The following IQCH variants were observed in gnomAD, a reference collection of about 807,000 sequenced individuals.
The protein encoded by IQCH is IQ motif containing H, also known as IQ domain-containing protein H.
A neutral mutation model predicts 117.0 loss-of-function variants in IQCH; 98 were observed. That is an observed-to-expected ratio of 0.84 (90% CI 0.71 to 0.99). The LOEUF is 0.99. Among genes scored for constraint, IQCH ranks in the 50% least tolerant of loss-of-function variants. IQCH has a pLI of 0.00. For missense variants in IQCH, 1,102 were observed against 1,243.8 expected (o/e 0.89, Z 1.72); for synonymous variants, 412 against 448.2 (o/e 0.92, Z 1.02).
chr15:67,442,853 T>C (rs917516858), intron 16 of IQCH, among the ~76,000 whole-genome samples: 63 of 144,092 alleles, frequency 4.4e-4, no homozygotes, highest in Middle Eastern at 3.6e-3. Context: ...GATAGATAGA[T>C]AGATAGATAG....
At chr15:67,259,735 G>C (rs1221263806) in intron 1 of IQCH, among the ~76,000 whole-genome samples, 26 of 152,264 alleles carry the variant, frequency 1.7e-4, no homozygotes, top group Non-Finnish European at 1.5e-5. Flanking sequence ...AGAGGGCCTT[G>C]CCCTTGAACT....
At chr15:67,316,382 A>G (rs1405003381) in intron 4 of IQCH, among the ~76,000 whole-genome samples, 2 of 152,128 alleles carry the variant, frequency 1.3e-5, no homozygotes, top group Non-Finnish European at 2.9e-5. Context: ...GGATTTTCAA[A>G]CTGTAACCAT....
intron 4 of IQCH, among the ~76,000 whole-genome samples, chr15:67,331,753 A>C (rs1968675325): frequency 6.6e-6 from 1 of 152,204 alleles, no homozygotes; most frequent in Non-Finnish European, 1.5e-5. Context: ...GATCTCCATC[A>C]GCTCCTCATT....
intron 13 of IQCH, among the ~76,000 whole-genome samples, chr15:67,398,647 G>T (rs1596309189): frequency 6.6e-6 from 1 of 152,042 alleles, no homozygotes; most frequent in Non-Finnish European, 1.5e-5. Flanking sequence ...AACAGATCAG[G>T]CCTTTAATCA....
intron 10 of IQCH, among the ~76,000 whole-genome samples, chr15:67,379,889 G>A (rs1567141441): frequency 6.6e-6 from 1 of 151,726 alleles, no homozygotes; most frequent in East Asian, 1.9e-4. Context: ...TTTCACTCTT[G>A]TTGCCCAGGC....
rs774557475 is a variant in IQCH at position 67,445,170 on chromosome 15, G to A, written c.2506-19957G>A. On this transcript the variant is annotated intron_variant, in intron 16 of 20. Transcript: ENST00000335894. This position sits in a 1 kb window ranked among gnomAD's most constrained non-coding sequence, Gnocchi z 4.3. ...ACACGTCGTTGAACATCTGTTACTA[G>A]TACAGTCTAACACAGCACTTAAAAT... Among the ~76,000 whole-genome samples, 1 of 152,072 alleles carries A rather than the reference G, an allele frequency of 6.6e-6. No individual in the cohort carries two copies. The highest frequency in any genetic ancestry group is 1.5e-5 in the Non-Finnish European group (1 of 68,028).
intron 8 of IQCH, among the ~76,000 whole-genome samples, chr15:67,367,797 G>A (rs969126699): frequency 6.6e-6 from 1 of 152,076 alleles, no homozygotes; most frequent in Non-Finnish European, 1.5e-5. Context: ...AAATGGAAGA[G>A]TAGCAAAGAC....
At chr15:67,429,040 A>G (rs2081960682) in intron 16 of IQCH, among the ~76,000 whole-genome samples, 1 of 152,176 alleles carries the variant, frequency 6.6e-6, no homozygotes. Context: ...TCCAGGAGGA[A>G]CAAAGCCCTG....
At chr15:67,396,032 G>T (rs1231962720) in intron 13 of IQCH, among the ~76,000 whole-genome samples, 9 of 152,112 alleles carry the variant, frequency 5.9e-5, no homozygotes, top group Admixed American at 5.9e-4. Flanking sequence ...TGCAGAAATT[G>T]CTGGAATTTC....
At position 67,406,159 on chromosome 15, in the gene IQCH, A is replaced by G. The variant is rs1301421347; in HGVS notation, c.2097+5854A>G. ...TCGTGATCATTTTAGTGAGCCTGTA[A>G]ATTCCCAAAAAGCTTTGAGTAGCCC... is the stretch of plus-strand genomic sequence containing the variant. On this transcript the variant is annotated intron_variant, in intron 14 of 20. Transcript: ENST00000335894. The surrounding 1 kb of genome is among the most constrained non-coding windows in gnomAD (Gnocchi z 4.5). 1 of 152,346 alleles carries G rather than the reference A, an allele frequency of 6.6e-6. No homozygotes were observed. The highest frequency in any genetic ancestry group is 1.5e-5 in the Non-Finnish European group (1 of 68,038). 9.4% of individuals were successfully genotyped at this position (152,346 alleles called of 1,614,324 possible).
chr15:67,389,050 A>ATTATGTT, intron 12 of IQCH, 44 bp downstream of exon 12: 4 of 1,504,730 alleles, frequency 2.7e-6, no homozygotes, highest in Non-Finnish European at 3.7e-6. Context: ...GATGCAGTAA[A>ATTATGTT]ATTAAATTGG....
rs896681835 is a variant in IQCH, at chr15:67,401,036, A to C, written c.2097+731A>C. On this transcript the variant is annotated intron_variant, in intron 14 of 20. Transcript: ENST00000335894. The surrounding 1 kb of genome is among the most constrained non-coding windows in gnomAD (Gnocchi z 4.7). ...TGTCACCTGGAAGCTAATGTATAAT[A>C]GCATTCTGTCAGCAGTCATGTGTTT... is the stretch of plus-strand genomic sequence containing the variant. 2.0e-5 allele frequency among the ~76,000 whole-genome samples: 3 copies of C among 152,228 alleles called. No individual in the cohort carries two copies. Among genetic ancestry groups the C allele is most frequent in the African/African-American group, 7.2e-5 (3 of 41,466 alleles).
chr15:67,432,367 C>T lies in IQCH; in HGVS notation c.2505+10790C>T, dbSNP rs1475957318. Among the ~76,000 whole-genome samples, 1 of 152,058 alleles carries T rather than the reference C, an allele frequency of 6.6e-6. No homozygotes were observed. Among genetic ancestry groups the T allele is most frequent in the Non-Finnish European group, 1.5e-5 (1 of 68,016 alleles). Reference sequence around the variant, plus strand: ...AGAGTTTCTAAATACAGAATATCAGCCTAGAATAAAAAAAAATCTGAAAAT... The same window carrying T: ...AGAGTTTCTAAATACAGAATATCAGTCTAGAATAAAAAAAAATCTGAAAAT... On this transcript the variant is annotated intron_variant, in intron 16 of 20. Coordinates refer to ENST00000335894, the MANE Select transcript of IQCH (RefSeq NM_001031715.3). This position sits in a 1 kb window ranked among gnomAD's most constrained non-coding sequence, Gnocchi z 5.0.
At chr15:67,448,105 AG>A (rs1433767366) in intron 16 of IQCH, among the ~76,000 whole-genome samples, 1 of 152,064 alleles carries the variant, frequency 6.6e-6, no homozygotes, top group African/African-American at 2.4e-5. Flanking sequence ...ACACTCAACT[AG>A]ATTCAAACAA....
At chr15:67,341,001 C>T (rs923611749) in intron 5 of IQCH, among the ~76,000 whole-genome samples, 8 of 152,026 alleles carry the variant, frequency 5.3e-5, no homozygotes, top group Non-Finnish European at 7.4e-5. Flanking sequence ...TGCTGGAGTC[C>T]GGGAGTTTGA....
chr15:67,345,625 T>C (rs1466352173), intron 6 of IQCH, among the ~76,000 whole-genome samples: 1 of 152,112 alleles, frequency 6.6e-6, no homozygotes, highest in African/African-American at 2.4e-5. Flanking sequence ...ATTTCAGGCA[T>C]TCTACAAAAT....
intron 1 of IQCH, among the ~76,000 whole-genome samples, chr15:67,255,550 A>G (rs922772697): frequency 6.6e-6 from 1 of 152,238 alleles, no homozygotes; most frequent in South Asian, 2.1e-4. Flanking sequence ...TTGCACTCAG[A>G]TGTTTCTGAA....
chr15:67,274,329 A>G (rs769778320), intron 3 of IQCH, among the ~76,000 whole-genome samples: 6 of 152,072 alleles, frequency 3.9e-5, no homozygotes, highest in South Asian at 2.1e-4. Flanking sequence ...AGAATTTTCT[A>G]TATCTTGTAG....
At position 67,430,928 on chromosome 15, in the gene IQCH, T is replaced by C. The variant is rs2082005648; in HGVS notation, c.2505+9351T>C. Among the ~76,000 whole-genome samples, 1 of 152,164 alleles carries C rather than the reference T, an allele frequency of 6.6e-6. No individual in the cohort carries two copies. Among genetic ancestry groups the C allele is most frequent in the South Asian group, 2.1e-4 (1 of 4,830 alleles). On this transcript the variant is annotated intron_variant, in intron 16 of 20. Coordinates refer to ENST00000335894, the MANE Select transcript of IQCH (RefSeq NM_001031715.3). This position sits in a 1 kb window ranked among gnomAD's most constrained non-coding sequence, Gnocchi z 5.1. Reference sequence around the variant, plus strand: ...TAAAAGAGACATCAAAAAGGTAATATCAGTTTAACGGCCAAATGATTTTTC... The same window carrying C: ...TAAAAGAGACATCAAAAAGGTAATACCAGTTTAACGGCCAAATGATTTTTC...
Sources: allele counts gnomAD v4.1 joint callset (sites outside exome capture counted in the v4.1 genomes callset), GRCh38; gene constraint gnomAD v4.1.1; non-coding constraint Gnocchi (gnomAD v3.1); transcripts MANE v1.5; gene names NCBI Gene and HGNC (gene_info 2026-07-23, HGNC 2026-07-21).